The following KLHL4 variants were observed in gnomAD, a reference collection of about 807,000 sequenced individuals.
KLHL4 encodes kelch like family member 4, also known as kelch-like protein 4.
In KLHL4, 17 loss-of-function variants were observed where a neutral mutation model predicts 45.8. The observed-to-expected ratio is 0.37, with a 90% CI of 0.25 to 0.56. The LOEUF (loss-of-function observed/expected upper bound fraction) is 0.56, where lower values mean the gene tolerates loss of function less well. KLHL4 is among the 20% of genes least tolerant of loss of function. The pLI, the probability that KLHL4 is intolerant of heterozygous loss-of-function variation, is 0.79. For synonymous variants in KLHL4, 224 were observed against 189.9 expected (o/e 1.18, Z -1.47); for missense variants, 544 against 544.9 (o/e 1.00, Z 0.02).
intron 1 of KLHL4, among the ~76,000 whole-genome samples, chrX:87,534,131 A>C (rs765113123): frequency 8.1e-5 from 9 of 111,628 alleles, no homozygotes; most frequent in Non-Finnish European, 1.7e-4. Flanking sequence ...AACAGAGTAG[A>C]ATAATGGGGG....
intron 1 of KLHL4, among the ~76,000 whole-genome samples, chrX:87,542,109 C>T (rs1931573477): frequency 8.9e-6 from 1 of 111,890 alleles, no homozygotes. Context: ...GCAAAGCATT[C>T]AAGAGGTGAT....
chrX:87,642,246 G>A (rs1385946921), intron 9 of KLHL4, among the ~76,000 whole-genome samples: 1 of 111,400 alleles, frequency 9.0e-6, no homozygotes, highest in African/African-American at 3.3e-5. Flanking sequence ...GTACCAGCCT[G>A]GATTCAGATA....
intron 1 of KLHL4, among the ~76,000 whole-genome samples, chrX:87,537,341 A>C (rs902542267): frequency 9.9e-5 from 11 of 111,600 alleles, no homozygotes; most frequent in Non-Finnish European, 2.1e-4. Flanking sequence ...ATGTTTATTT[A>C]TAATATTAAT....
At chrX:87,536,871 T>C (rs1222656786) in intron 1 of KLHL4, among the ~76,000 whole-genome samples, 2 of 111,530 alleles carry the variant, frequency 1.8e-5, no homozygotes, top group Non-Finnish European at 3.8e-5. Context: ...AAGAACTGTA[T>C]AGGTGGTTGA....
rs367990913 is a variant in KLHL4, at chrX:87,635,774, C to T, written c.1924C>T (p.Arg642Trp). The change falls in exon 9 of 11, where the codon CGG (arginine) becomes TGG (tryptophan). Residue 642 changes from arginine (R) to tryptophan (W), a missense_variant and splice_region_variant. Transcript: ENST00000373119. ...HCSRLSDCVE[R>W]YDPKGDSWST... The stretch of plus-strand genomic sequence containing the variant: ...CTCCAGGCTTTCTGACTGTGTGGAA[C>T]GGTAAGTTTTTTCTATTTCCTTCTG... 6 of 1,134,041 alleles carry T rather than the reference C, an allele frequency of 5.3e-6. No individual in the cohort carries two copies. The highest frequency in any genetic ancestry group is 1.8e-5 in the African/African-American group (1 of 55,039). 93.5% of individuals were successfully genotyped at this position (1,134,041 alleles called of 1,213,427 possible). A position where few individuals can be genotyped will look rare whatever the true frequency, so the allele number is the denominator to read the frequency against.
rs1207938674 is a variant in KLHL4 at position 87,604,480 on chromosome X, A to T, written c.423-9397A>T. Among the ~76,000 whole-genome samples, 4 of 109,164 alleles carry T rather than the reference A, an allele frequency of 3.7e-5. No homozygotes were observed. The East Asian group carries it at 1.1e-3, about 31-fold the overall frequency. 94.8% of individuals were successfully genotyped at this position (109,164 alleles called of 115,157 possible). ...TAACAGTTATTCCAGCTGGCGTGAG[A>T]TAGTATCTCAACGTGGTTTTGATTA... On this transcript the variant is annotated intron_variant, in intron 1 of 10. Coordinates refer to ENST00000373119, the MANE Select transcript of KLHL4 (RefSeq NM_019117.5).
chrX:87,553,388 T>A, intron 1 of KLHL4, among the ~76,000 whole-genome samples: 1 of 111,139 alleles, frequency 9.0e-6, no homozygotes, highest in East Asian at 2.8e-4. Flanking sequence ...TTCATTTTAT[T>A]TAAAAATATA....
chrX:87,665,718 G>T (rs1334404690), intron 10 of KLHL4, among the ~76,000 whole-genome samples: 1 of 111,233 alleles, frequency 9.0e-6, no homozygotes, highest in Non-Finnish European at 1.9e-5. Flanking sequence ...CTTGTATTTG[G>T]TACCTAACTT....
At chrX:87,606,364 A>G (rs1289055375) in intron 1 of KLHL4, among the ~76,000 whole-genome samples, 1 of 111,621 alleles carries the variant, frequency 9.0e-6, no homozygotes, top group Non-Finnish European at 1.9e-5. Context: ...GGTAGAAGAA[A>G]AAAACAATGA....
chrX:87,532,178 TA>T (rs1315377955), intron 1 of KLHL4, among the ~76,000 whole-genome samples: 1 of 109,062 alleles, frequency 9.2e-6, no homozygotes, highest in Non-Finnish European at 1.9e-5. Context: ...CAGCACCATT[TA>T]TTAAATAGGG....
rs760181621 is a variant in KLHL4, at chrX:87,635,727, A to G, written c.1877A>G (p.Asp626Gly). 4.2e-6 allele frequency: 5 copies of G among 1,203,819 alleles called. No individual in the cohort carries two copies. Among genetic ancestry groups the G allele is most frequent in the Non-Finnish European group, 5.6e-6 (5 of 890,735 alleles). Residue 626 changes from aspartate to glycine, a missense_variant, in exon 9 of 11, where the codon GAT (aspartate) becomes GGT (glycine). Asp to Gly is a moderately conservative substitution (Grantham distance 94). Coordinates refer to ENST00000373119, the MANE Select transcript of KLHL4 (RefSeq NM_019117.5). ...NGFLYVVGGH[D>G]APASNHCSRL... The stretch of plus-strand genomic sequence containing the variant: ...TTCTTATATGTTGTAGGGGGGCATG[A>G]TGCCCCTGCTTCCAACCATTGCTCC...
intron 1 of KLHL4, among the ~76,000 whole-genome samples, chrX:87,609,172 G>T (rs1439041782): frequency 8.9e-6 from 1 of 111,781 alleles, no homozygotes; most frequent in Non-Finnish European, 1.9e-5. Context: ...TTGGACATTT[G>T]GGTTGGTTCC....
intron 1 of KLHL4, among the ~76,000 whole-genome samples, chrX:87,611,666 T>TACTATACTAC (rs1377370774): frequency 9.2e-6 from 1 of 108,372 alleles, no homozygotes; most frequent in Non-Finnish European, 1.9e-5. Flanking sequence ...GTACATACTA[T>TACTATACTAC]ACTATACTAT....
rs188267833 is a variant in KLHL4 at position 87,583,375 on chromosome X, C to T, written c.423-30502C>T. ...ATCACCCTCCCCTGGCCCCAGGCCA[C>T]GTAGCACAGCTTGCAGCTCTAAATA... On this transcript the variant is annotated intron_variant, in intron 1 of 10. Coordinates refer to ENST00000373119, the MANE Select transcript of KLHL4 (RefSeq NM_019117.5). 1.7e-4 allele frequency among the ~76,000 whole-genome samples: 19 copies of T among 112,133 alleles called. No individual in the cohort carries two copies. The East Asian group carries it at 5.4e-3, about 32-fold the overall frequency.
rs377098430 is a variant in KLHL4 at position 87,560,610 on chromosome X, A to G, written c.422+42295A>G. Among the ~76,000 whole-genome samples, 70 of 111,048 alleles carry G rather than the reference A, an allele frequency of 6.3e-4. 1 individual carries two copies. The East Asian group carries it at 0.014, about 23-fold the overall frequency. The stretch of plus-strand genomic sequence containing the variant: ...TATACCCAATTAATAGCAATTCTCC[A>G]TTGTCCCCACTCCCACTTCCTGGCA... On this transcript the variant is annotated intron_variant, in intron 1 of 10. Transcript: ENST00000373119.
intron 5 of KLHL4, among the ~76,000 whole-genome samples, chrX:87,623,687 G>A (rs1178538035): frequency 3.6e-5 from 4 of 110,904 alleles, no homozygotes; most frequent in South Asian, 3.8e-4. Flanking sequence ...ATGAAAGAAC[G>A]TTGATTACCC....
intron 1 of KLHL4, among the ~76,000 whole-genome samples, chrX:87,547,101 T>C (rs1361374839): frequency 8.9e-6 from 1 of 111,770 alleles, no homozygotes; most frequent in Non-Finnish European, 1.9e-5. Context: ...GCACAATTGG[T>C]TTCAGACATG....
intron 1 of KLHL4, among the ~76,000 whole-genome samples, chrX:87,533,227 T>G (rs1371817447): frequency 9.3e-6 from 1 of 107,830 alleles, no homozygotes. Flanking sequence ...GGACTATAAA[T>G]CATGCTGCTA....
chrX:87,569,367 A>G (rs1326127186), intron 1 of KLHL4, among the ~76,000 whole-genome samples: 2 of 111,602 alleles, frequency 1.8e-5, no homozygotes, highest in African/African-American at 6.5e-5. Context: ...AGTATTGTTG[A>G]TGGGAATTTT....
Sources: gnomAD v4.1 joint callset for allele counts (sites outside exome capture counted in the v4.1 genomes callset) on GRCh38, gnomAD v4.1.1 for gene constraint, MANE v1.5 for transcripts, NCBI Gene and HGNC (gene_info 2026-07-23, HGNC 2026-07-21) for gene names.